Variants in CDC42BPA observed in about 807,000 individuals in gnomAD.
CDC42BPA encodes CDC42 binding protein kinase alpha.
A neutral mutation model predicts 223.5 loss-of-function variants in CDC42BPA; 80 were observed. The ratio of observed to expected loss-of-function variants is 0.36; its 90% confidence interval spans 0.30 to 0.43. The LOEUF is 0.43. CDC42BPA is among the 20% of genes least tolerant of loss of function. CDC42BPA has a pLI of 1.00. For synonymous variants in CDC42BPA, 694 were observed against 718.6 expected (o/e 0.97, Z 0.55); for missense variants, 1,743 against 2,099.9 (o/e 0.83, Z 3.32).
At chr1:227,139,788 C>T (rs765646230) in intron 9 of CDC42BPA, 46 bp from the exon 10 acceptor site, 4 of 1,252,240 alleles carry the variant, frequency 3.2e-6, no homozygotes, top group Non-Finnish European at 4.2e-6. Flanking sequence ...TGATAAAAAG[C>T]TTGAAGAAAA....
intron 1 of CDC42BPA, among the ~76,000 whole-genome samples, chr1:227,291,342 A>G (rs749104117): frequency 3.3e-5 from 5 of 152,166 alleles, no homozygotes; most frequent in Admixed American, 6.5e-5. Flanking sequence ...TGAGGTCAGG[A>G]GTTCAAAACC....
chr1:227,008,584 A>C (rs1025277763), intron 34 of CDC42BPA, among the ~76,000 whole-genome samples: 6 of 152,224 alleles, frequency 3.9e-5, no homozygotes, highest in Non-Finnish European at 4.4e-5. Context: ...AGCTCAGAGA[A>C]AGTTTGCAGC....
At chr1:227,244,471 C>T (rs906814153) in intron 2 of CDC42BPA, among the ~76,000 whole-genome samples, 1 of 140,158 alleles carries the variant, frequency 7.1e-6, no homozygotes, top group African/African-American at 2.8e-5. Flanking sequence ...GAATAGTTAA[C>T]AAGGAAGTGA....
intron 23 of CDC42BPA, among the ~76,000 whole-genome samples, chr1:227,047,437 G>A (rs561326953): frequency 2.0e-5 from 3 of 152,026 alleles, no homozygotes; most frequent in Admixed American, 6.6e-5. Context: ...TTTATGTTCT[G>A]GAGAGGCAGA....
chr1:227,230,812 C>CTTTTTTTTTTTTTTTTTTTTTTTT (rs1309498246), intron 2 of CDC42BPA, among the ~76,000 whole-genome samples: 1 of 111,758 alleles, frequency 8.9e-6, no homozygotes. Flanking sequence ...TTTCTTTTTT[C>CTTTTTTTTTTTTTTTTTTTTTTTT]TTTCTTTCTT....
At chr1:227,147,008 G>T (rs909585378) in intron 7 of CDC42BPA, among the ~76,000 whole-genome samples, 5 of 151,896 alleles carry the variant, frequency 3.3e-5, no homozygotes, top group African/African-American at 1.2e-4. Context: ...TTTTAAATTT[G>T]TATTGCACTT....
chr1:227,147,616 A>G, intron 6 of CDC42BPA, 57 bp from the exon 7 acceptor site: 2 of 953,844 alleles, frequency 2.1e-6, no homozygotes, highest in Non-Finnish European at 3.0e-6. Context: ...TATTTTAAAT[A>G]GTTACTTAAG....
At chr1:227,095,365 C>T (rs1683789309) in intron 15 of CDC42BPA, among the ~76,000 whole-genome samples, 2 of 152,048 alleles carry the variant, frequency 1.3e-5, no homozygotes, top group Admixed American at 1.3e-4. Context: ...TGTTCTCAAC[C>T]CTAGATTGTA....
At chr1:227,268,998 T>C (rs924512390) in intron 1 of CDC42BPA, among the ~76,000 whole-genome samples, 4 of 152,164 alleles carry the variant, frequency 2.6e-5, no homozygotes, top group African/African-American at 9.7e-5. Context: ...ATTCATATTT[T>C]TATTTAAAAA....
At chr1:227,215,604 A>T (rs1279739630) in intron 2 of CDC42BPA, among the ~76,000 whole-genome samples, 1 of 152,142 alleles carries the variant, frequency 6.6e-6, no homozygotes, top group Non-Finnish European at 1.5e-5. Context: ...AATAATTTCA[A>T]GTTTTTCAAG....
intron 1 of CDC42BPA, among the ~76,000 whole-genome samples, chr1:227,273,882 AC>A (rs1297071274): frequency 1.4e-4 from 21 of 149,814 alleles, no homozygotes; most frequent in African/African-American, 4.9e-4. Context: ...AACACAAATA[AC>A]CCAAAGCTCT....
chr1:227,073,808 A>C (rs965844588), intron 19 of CDC42BPA, 56 bp downstream of exon 19: 16 of 1,367,412 alleles, frequency 1.2e-5, no homozygotes, highest in Non-Finnish European at 1.4e-5. Flanking sequence ...CTTCTCTCCA[A>C]ATAATTATGA....
At chr1:227,086,466 T>C (rs1485856922) in intron 16 of CDC42BPA, among the ~76,000 whole-genome samples, 1 of 152,186 alleles carries the variant, frequency 6.6e-6, no homozygotes, top group Non-Finnish European at 1.5e-5. Flanking sequence ...AGTTCCTCCA[T>C]ATCATCATCA....
intron 2 of CDC42BPA, among the ~76,000 whole-genome samples, chr1:227,225,018 T>C (rs909216310): frequency 6.6e-6 from 1 of 152,198 alleles, no homozygotes; most frequent in African/African-American, 2.4e-5. Context: ...ACATTCTAGC[T>C]TAACAATAAG....
At chr1:227,075,964 T>C (rs1346113233) in intron 17 of CDC42BPA, among the ~76,000 whole-genome samples, 1 of 152,224 alleles carries the variant, frequency 6.6e-6, no homozygotes, top group East Asian at 1.9e-4. Flanking sequence ...AATCTCTTTT[T>C]TCTAACTTTG....
chr1:227,147,152 TAGC>T (rs1449477174), intron 7 of CDC42BPA, among the ~76,000 whole-genome samples: 1 of 152,184 alleles, frequency 6.6e-6, no homozygotes, highest in Non-Finnish European at 1.5e-5. Context: ...ATTTCCTACT[TAGC>T]GGCATCTCTA....
intron 21 of CDC42BPA, among the ~76,000 whole-genome samples, chr1:227,067,392 G>C (rs1677307979): frequency 6.6e-6 from 1 of 152,052 alleles, no homozygotes; most frequent in South Asian, 2.1e-4. Flanking sequence ...GACAGGAAAA[G>C]GGATGGAGAG....
Position 227,006,949 on chromosome 1 carries a change from T to TCAACAACAACAACAA in CDC42BPA, c.4858-1853_4858-1839dup, listed in dbSNP as rs58305329. On this transcript the variant is annotated intron_variant, in intron 34 of 36. Coordinates refer to ENST00000366766, the MANE Select transcript of CDC42BPA (RefSeq NM_001394014.1). ...TCACTCTGCAGAGTGAGACTCCGTCTCAACAACAACAACAACAACAACAAC... is the reference window on the plus strand; with the variant it reads ...TCACTCTGCAGAGTGAGACTCCGTCTCAACAACAACAACAACAACAACAACAACAACAACAACAAC... Among the ~76,000 whole-genome samples, 58 of 148,138 alleles carry TCAACAACAACAACAA rather than the reference T, an allele frequency of 3.9e-4. 1 individual carries two copies. The highest frequency in any genetic ancestry group is 2.0e-3 in the Admixed American group (30 of 14,912).
rs941530900 is a variant in CDC42BPA, at chr1:226,992,765, T to G, written c.*1503A>C. The G allele has an allele frequency of 6.6e-6, 1 of 152,258 alleles. No homozygotes were observed. The highest frequency in any genetic ancestry group is 1.5e-5 in the Non-Finnish European group (1 of 68,048). 9.4% of individuals were successfully genotyped at this position (152,258 alleles called of 1,614,324 possible). On this transcript the variant is annotated 3_prime_UTR_variant, in exon 37 of 37. Transcript: ENST00000366766. ...TTATTTTTATCTCTTTCTCTACTCA[T>G]GTGCTTAACTGGTGAAATGATTCTG...
Sources: gnomAD v4.1 joint callset for allele counts (sites outside exome capture counted in the v4.1 genomes callset) on GRCh38, gnomAD v4.1.1 for gene constraint, MANE v1.5 for transcripts, NCBI Gene and HGNC (gene_info 2026-07-23, HGNC 2026-07-21) for gene names.